The following PATJ variants were observed in gnomAD, a reference collection of about 807,000 sequenced individuals.
The protein encoded by PATJ is inaD-like protein.
In PATJ, 190 loss-of-function variants were observed where a neutral mutation model predicts 224.9. The observed-to-expected ratio is 0.84, with a 90% CI of 0.75 to 0.95. The LOEUF (loss-of-function observed/expected upper bound fraction) is 0.95, where lower values mean the gene tolerates loss of function less well. PATJ is among the 40% of genes least tolerant of loss of function. PATJ has a pLI of 0.00. For missense variants in PATJ, 2,121 were observed against 2,270.3 expected (o/e 0.93, Z 1.34); for synonymous variants, 769 against 820.3 (o/e 0.94, Z 1.07).
chr1:62,136,931 A>T (rs2251367), intron 41 of PATJ, among the ~76,000 whole-genome samples: 113,544 of 152,072 alleles, frequency 0.75, 42,859 homozygotes, highest in African/African-American at 0.84. Flanking sequence ...AGGGCTAATC[A>T]TCTTCTTTCG....
Position 61,767,059 on chromosome 1 carries a change from C to T in PATJ, c.384+586C>T, listed in dbSNP as rs577783482. 2.0e-5 allele frequency among the ~76,000 whole-genome samples: 3 copies of T among 152,232 alleles called. No homozygotes were observed. The East Asian group carries it at 5.8e-4, about 29-fold the overall frequency. On this transcript the variant is annotated intron_variant, in intron 4 of 43. Transcript: ENST00000642238. ...AGTGAGCCGAGATTGCGCCACTGTA[C>T]TCCAGCCTGGGTGACACCCCATAAT...
intron 17 of PATJ, among the ~76,000 whole-genome samples, chr1:61,855,034 C>T (rs1290816394): frequency 6.6e-6 from 1 of 152,124 alleles, no homozygotes; most frequent in Non-Finnish European, 1.5e-5. Flanking sequence ...ACAGTGGAAT[C>T]GTCCATGGTT....
intron 27 of PATJ, among the ~76,000 whole-genome samples, chr1:61,946,853 A>G (rs1000240199): frequency 6.6e-6 from 1 of 152,232 alleles, no homozygotes; most frequent in African/African-American, 2.4e-5. Context: ...GCAGCACATC[A>G]AAAAGCTTAT....
At chr1:62,032,279 T>C (rs1293964189) in intron 29 of PATJ, among the ~76,000 whole-genome samples, 1 of 152,206 alleles carries the variant, frequency 6.6e-6, no homozygotes, top group Non-Finnish European at 1.5e-5. Flanking sequence ...CCCTCCATCC[T>C]GAAGCAAACA....
chr1:62,118,656 G>A (rs1033333885), intron 37 of PATJ, among the ~76,000 whole-genome samples: 4 of 152,064 alleles, frequency 2.6e-5, no homozygotes, highest in Admixed American at 1.3e-4. Context: ...TTGAGACGGA[G>A]TCCCACTCTG....
intron 17 of PATJ, among the ~76,000 whole-genome samples, chr1:61,835,466 C>T (rs999805071): frequency 3.9e-5 from 6 of 152,198 alleles, no homozygotes; most frequent in South Asian, 2.1e-4. Flanking sequence ...TGCAGTGGTG[C>T]GATCTTGGCT....
intron 29 of PATJ, among the ~76,000 whole-genome samples, chr1:62,028,901 A>G (rs1356501856): frequency 2.6e-5 from 4 of 152,128 alleles, no homozygotes; most frequent in Admixed American, 2.0e-4. Flanking sequence ...TTTCAAGTCT[A>G]CAATGAGCTA....
At chr1:61,794,260 C>T (rs1006364615) in intron 9 of PATJ, among the ~76,000 whole-genome samples, 2 of 151,892 alleles carry the variant, frequency 1.3e-5, no homozygotes, top group African/African-American at 4.8e-5. Flanking sequence ...ATTCTCATGC[C>T]TCAGCCTCCA....
chr1:61,865,144 A>G (rs1196364305), intron 20 of PATJ: 1 of 152,460 alleles, frequency 6.6e-6, no homozygotes, highest in African/African-American at 2.4e-5. Context: ...TTTATTTACA[A>G]CTTGGAGGGA....
At chr1:61,952,414 A>G (rs1405305592) in intron 27 of PATJ, 1 of 717,272 alleles carries the variant, frequency 1.4e-6, no homozygotes, top group Non-Finnish European at 2.6e-6. Flanking sequence ...TTTCCCAGGT[A>G]AGATTTCTGT....
chr1:61,788,091 A>C (rs1339272526), intron 8 of PATJ, 119 bp downstream of exon 8: 1 of 577,770 alleles, frequency 1.7e-6, no homozygotes, highest in Non-Finnish European at 2.6e-6. Flanking sequence ...TCACTAGTGA[A>C]ACAGGAAAAA....
chr1:61,875,590 T>C, intron 21 of PATJ: 1 of 369,142 alleles, frequency 2.7e-6, no homozygotes, highest in South Asian at 2.7e-5. Flanking sequence ...GGCTACATTT[T>C]CTCTGCCTCA....
intron 18 of PATJ, among the ~76,000 whole-genome samples, chr1:61,858,424 G>C (rs143947224): frequency 9.1e-4 from 139 of 152,228 alleles, no homozygotes; most frequent in Non-Finnish European, 1.6e-3. Flanking sequence ...ACCACGCTCA[G>C]CTAATTTTTG....
chr1:62,077,213 C>G (rs139530367), intron 31 of PATJ, among the ~76,000 whole-genome samples: 1 of 152,126 alleles, frequency 6.6e-6, no homozygotes, highest in Non-Finnish European at 1.5e-5. Context: ...CAGGACTTAG[C>G]CTGTTGGCAC....
At chr1:61,892,527 A>T (rs1221360283) in intron 22 of PATJ, among the ~76,000 whole-genome samples, 4 of 152,168 alleles carry the variant, frequency 2.6e-5, no homozygotes, top group African/African-American at 9.7e-5. Flanking sequence ...GTAAAGAATT[A>T]TAACTTTAGG....
At chr1:61,865,041 G>A (rs1159642491) in intron 20 of PATJ, among the ~76,000 whole-genome samples, 2 of 151,768 alleles carry the variant, frequency 1.3e-5, no homozygotes, top group Non-Finnish European at 2.9e-5. Flanking sequence ...ACATATTCTT[G>A]TTTATATCTT....
At chr1:62,074,320 C>T (rs1434804670) in intron 31 of PATJ, among the ~76,000 whole-genome samples, 2 of 151,632 alleles carry the variant, frequency 1.3e-5, no homozygotes, top group Non-Finnish European at 2.9e-5. Flanking sequence ...AACAAACCTG[C>T]ACGTTGTGCA....
At chr1:62,056,547 G>C (rs376564318) in intron 31 of PATJ, among the ~76,000 whole-genome samples, 1 of 151,962 alleles carries the variant, frequency 6.6e-6, no homozygotes, top group African/African-American at 2.4e-5. Flanking sequence ...AGTTGTGGCC[G>C]AGGCTGGTGG....
intron 22 of PATJ, among the ~76,000 whole-genome samples, chr1:61,895,312 G>C (rs1179048363): frequency 6.6e-6 from 1 of 152,194 alleles, no homozygotes; most frequent in Non-Finnish European, 1.5e-5. Context: ...GCCAAGACGG[G>C]GAAAATATCT....
Sources: allele counts gnomAD v4.1 joint callset (sites outside exome capture counted in the v4.1 genomes callset), GRCh38; gene constraint gnomAD v4.1.1; transcripts MANE v1.5; gene names NCBI Gene and HGNC (gene_info 2026-07-23, HGNC 2026-07-21).